Variants in NAA50 observed in about 807,000 individuals in gnomAD.
NAA50 encodes N-alpha-acetyltransferase 50, NatE catalytic subunit, also known as N-alpha-acetyltransferase 50.
A neutral mutation model predicts 20.7 loss-of-function variants in NAA50; 7 were observed. That is an observed-to-expected ratio of 0.34 (90% CI 0.19 to 0.63). NAA50 has a LOEUF of 0.63. Ranked by LOEUF, NAA50 falls within the 30% of genes least tolerant of loss-of-function variation. The probability of loss-of-function intolerance (pLI) is 0.75; values close to 1 mark genes in which losing one functional copy is unlikely to be tolerated. For missense variants in NAA50, 111 were observed against 199.1 expected (o/e 0.56, Z 2.66); for synonymous variants, 54 against 70.6 (o/e 0.77, Z 1.18).
At chr3:113,743,628 GGGA>G (rs1708448924) in intron 1 of NAA50, among the ~76,000 whole-genome samples, 1 of 152,154 alleles carries the variant, frequency 6.6e-6, no homozygotes, top group African/African-American at 2.4e-5. Context: ...CATCTCATCT[GGGA>G]GTTAGTTCAT....
At chr3:113,732,351 C>CA (rs1708282639) in intron 1 of NAA50, among the ~76,000 whole-genome samples, 1 of 152,088 alleles carries the variant, frequency 6.6e-6, no homozygotes. Flanking sequence ...CTGGAAGAGC[C>CA]AAGGAAAGAT....
chr3:113,724,741 A>G (rs188367761), intron 1 of NAA50: 42 of 152,296 alleles, frequency 2.8e-4, no homozygotes, highest in African/African-American at 7.9e-4. Flanking sequence ...TGTAGTTCCC[A>G]TAATTCCCAT....
At chr3:113,737,396 C>G (rs570909022) in intron 1 of NAA50, among the ~76,000 whole-genome samples, 1 of 152,284 alleles carries the variant, frequency 6.6e-6, no homozygotes, top group East Asian at 1.9e-4. Context: ...AAAATAAATT[C>G]CTTCAACCTG....
intron 1 of NAA50, among the ~76,000 whole-genome samples, chr3:113,728,439 T>C (rs1476997203): frequency 6.6e-6 from 1 of 152,152 alleles, no homozygotes; most frequent in African/African-American, 2.4e-5. Context: ...AGTACAAAAA[T>C]AATACTAGAA....
At chr3:113,726,524 T>C (rs1175854272) in intron 1 of NAA50, among the ~76,000 whole-genome samples, 1 of 151,230 alleles carries the variant, frequency 6.6e-6, no homozygotes, top group Non-Finnish European at 1.5e-5. Flanking sequence ...GGTGGGCAGA[T>C]CATAAGGTCA....
chr3:113,744,123 G>A (rs1216204167), intron 1 of NAA50, among the ~76,000 whole-genome samples: 1 of 152,122 alleles, frequency 6.6e-6, no homozygotes, highest in African/African-American at 2.4e-5. Flanking sequence ...CTGAGTGCCT[G>A]ACAATGAGTA....
At chr3:113,724,930 A>G (rs1708182511) in intron 1 of NAA50, among the ~76,000 whole-genome samples, 1 of 152,146 alleles carries the variant, frequency 6.6e-6, no homozygotes, top group Non-Finnish European at 1.5e-5. Flanking sequence ...CCATGTTTAT[A>G]GGTTTCCTGA....
Position 113,742,320 on chromosome 3 carries a change from G to T in NAA50, c.8+3622C>A, listed in dbSNP as rs571724062. ...TCTGTTGCCCAGGCTGAAATATAGT[G>T]ACAAGATCATGGCTCTCTGCAGCCT... On this transcript the variant is annotated intron_variant, in intron 1 of 4. Transcript: ENST00000240922. Among the ~76,000 whole-genome samples, 20 of 152,104 alleles carry T rather than the reference G, an allele frequency of 1.3e-4. No individual in the cohort carries two copies. In the South Asian group the frequency reaches 3.9e-3, roughly 30 times the overall value.
intron 1 of NAA50, among the ~76,000 whole-genome samples, chr3:113,733,853 C>CAAAAAAAAAAAAAAAAAAAAAAAAAAAA: frequency 1.5e-5 from 1 of 68,488 alleles, no homozygotes; most frequent in African/African-American, 6.1e-5. Context: ...ACTCTGTCTC[C>CAAAAAAAAAAAAAAAAAAAAAAAAAAAA]AAAAAAAAAA....
intron 1 of NAA50, among the ~76,000 whole-genome samples, chr3:113,729,008 C>T (rs1315021071): frequency 6.9e-6 from 1 of 145,576 alleles, no homozygotes; most frequent in African/African-American, 2.5e-5. Flanking sequence ...TTTTTTGAGA[C>T]GGAGTCTCCC....
At chr3:113,735,363 T>C (rs1034727569) in intron 1 of NAA50, among the ~76,000 whole-genome samples, 9 of 152,218 alleles carry the variant, frequency 5.9e-5, no homozygotes, top group African/African-American at 2.2e-4. Context: ...AAGCTTGTTA[T>C]GTAAATCATC....
At position 113,723,954 on chromosome 3, in the gene NAA50, T is replaced by C; in HGVS notation, c.145+5A>G. 1 of 1,571,808 alleles carries C rather than the reference T, an allele frequency of 6.4e-7. No individual in the cohort carries two copies. ...AGGGAGGACAAAAAAAAAACTATAT[T>C]ATACCAAGTTTTGCTAGCTCGCCAA... is the stretch of plus-strand genomic sequence containing the variant. On this transcript the variant is annotated splice_donor_5th_base_variant and intron_variant, in intron 2 of 4. Coordinates refer to ENST00000240922, the MANE Select transcript of NAA50 (RefSeq NM_025146.4).
At chr3:113,729,100 C>T (rs1233802202) in intron 1 of NAA50, among the ~76,000 whole-genome samples, 1 of 152,058 alleles carries the variant, frequency 6.6e-6, no homozygotes, top group African/African-American at 2.4e-5. Flanking sequence ...ATCCTCCTGC[C>T]TCAGCCTCCT....
intron 1 of NAA50, among the ~76,000 whole-genome samples, chr3:113,736,053 C>T (rs1029713714): frequency 6.6e-6 from 1 of 152,152 alleles, no homozygotes; most frequent in Non-Finnish European, 1.5e-5. Context: ...TTAAATGAAA[C>T]GATTTTACAT....
chr3:113,723,868 ATTAG>A (rs887511766), intron 2 of NAA50, 87 bp downstream of exon 2: 1 of 1,350,732 alleles, frequency 7.4e-7, no homozygotes, highest in African/African-American at 1.5e-5. Context: ...AACAAACTAA[ATTAG>A]TTAACTTCTT....
chr3:113,723,922 G>C, intron 2 of NAA50, 37 bp downstream of exon 2: 1 of 1,503,246 alleles, frequency 6.7e-7, no homozygotes, highest in Non-Finnish European at 8.9e-7. Context: ...CAAAAAGAAA[G>C]AAAAGAAGGG....
At chr3:113,740,889 A>T (rs764707150) in intron 1 of NAA50, 23 of 424,378 alleles carry the variant, frequency 5.4e-5, no homozygotes, top group Non-Finnish European at 9.7e-5. Flanking sequence ...TATCATCTAG[A>T]CTATGCTAGA....
chr3:113,721,487 G>A lies in NAA50; in HGVS notation c.*273C>T, dbSNP rs1223366590. The A allele has an allele frequency of 4.4e-6, 2 of 451,710 alleles. No individual in the cohort carries two copies. The highest frequency in any genetic ancestry group is 7.9e-6 in the Non-Finnish European group (2 of 253,446). The allele number at this position is 451,710 out of a possible 1,614,324, so 28.0% of individuals were successfully genotyped here. On this transcript the variant is annotated 3_prime_UTR_variant, in exon 5 of 5. Transcript: ENST00000240922. The stretch of plus-strand genomic sequence containing the variant: ...AATTATTTGACAATTAAATGTTTAG[G>A]ACCATCTAACTTCAACTGCAAAACT...
intron 1 of NAA50, among the ~76,000 whole-genome samples, chr3:113,726,752 A>C (rs1708204348): frequency 6.6e-6 from 1 of 152,092 alleles, no homozygotes; most frequent in South Asian, 2.1e-4. Flanking sequence ...TCAAAAAAAA[A>C]AAAAAGAAAG....
Sources: allele counts gnomAD v4.1 joint callset (sites outside exome capture counted in the v4.1 genomes callset), GRCh38; gene constraint gnomAD v4.1.1; transcripts MANE v1.5; gene names NCBI Gene and HGNC (gene_info 2026-07-23, HGNC 2026-07-21).